Variants in F13A1 observed in about 807,000 individuals in gnomAD.
F13A1 encodes the protein FSF, A subunit.
F13A1 carries 47 observed loss-of-function variants against 80.1 expected under a neutral mutation model. The observed-to-expected ratio is 0.59, with a 90% CI of 0.46 to 0.75. F13A1 has a LOEUF of 0.75. Among genes scored for constraint, F13A1 ranks in the 30% least tolerant of loss-of-function variants. The pLI is 0.00. For missense variants in F13A1, 817 were observed against 930.4 expected, an observed-to-expected ratio of 0.88 and a Z score of 1.59; for synonymous variants, 349 against 344.9, an observed-to-expected ratio of 1.01 and a Z score of -0.13.
chr6:6,319,295 A>G (rs1334654230), intron 1 of F13A1, among the ~76,000 whole-genome samples: 1 of 152,228 alleles, frequency 6.6e-6, no homozygotes, highest in African/African-American at 2.4e-5. Flanking sequence ...GGAGCCCAAG[A>G]AGAGCCATAA....
intron 1 of F13A1, among the ~76,000 whole-genome samples, chr6:6,319,794 A>C (rs1758746076): frequency 6.6e-6 from 1 of 152,100 alleles, no homozygotes; most frequent in Non-Finnish European, 1.5e-5. Flanking sequence ...TGGTCTGAGA[A>C]GGAGACAGGA....
At chr6:6,258,597 T>C (rs115998556) in intron 4 of F13A1, among the ~76,000 whole-genome samples, 1 of 152,246 alleles carries the variant, frequency 6.6e-6, no homozygotes, top group Admixed American at 6.5e-5. Context: ...CTACATGCCA[T>C]TGAAAAGAAG....
chr6:6,249,873 C>T (rs1024385636), intron 5 of F13A1, among the ~76,000 whole-genome samples: 10 of 151,304 alleles, frequency 6.6e-5, no homozygotes, highest in Non-Finnish European at 1.2e-4. Flanking sequence ...GAAATGCAGG[C>T]GGGGAAGCCT....
chr6:6,165,679 G>C (rs1004066670), intron 13 of F13A1, among the ~76,000 whole-genome samples: 1 of 152,236 alleles, frequency 6.6e-6, no homozygotes, highest in African/African-American at 2.4e-5. Flanking sequence ...CATGTCTATA[G>C]GAAGAGCCAG....
Position 6,269,652 on chromosome 6 carries a change from G to A in F13A1, c.320-2843C>T, listed in dbSNP as rs1464779032. Among the ~76,000 whole-genome samples, 3 of 151,820 alleles carry A rather than the reference G, an allele frequency of 2.0e-5. No individual in the cohort carries two copies. The East Asian group carries it at 5.8e-4, about 29-fold the overall frequency. On this transcript the variant is annotated intron_variant, in intron 3 of 14. Transcript: ENST00000264870. ...ATCTCCATTCATCCTTTAGAGCAATGGTTAGAAAACTATAGTCTGCGGGCC... is the reference window on the plus strand; with the variant it reads ...ATCTCCATTCATCCTTTAGAGCAATAGTTAGAAAACTATAGTCTGCGGGCC...
rs145254274 is a variant in F13A1 at position 6,294,413 on chromosome 6, T to A, written c.319+10938A>T. ...CTCCAAGTTCTTCAGTTTTGGGACT[T>A]GGACTGGCTCTCATTGCTCCTCAGC... is the stretch of plus-strand genomic sequence containing the variant. On this transcript the variant is annotated intron_variant, in intron 3 of 14. Coordinates refer to ENST00000264870, the MANE Select transcript of F13A1 (RefSeq NM_000129.4). Among the ~76,000 whole-genome samples the A allele has an allele frequency of 6.5e-3, 993 of 152,250 alleles. 11 individuals carry two copies. The highest frequency in any genetic ancestry group is 0.037 in the South Asian group (179 of 4,816).
intron 6 of F13A1, among the ~76,000 whole-genome samples, chr6:6,229,754 C>G (rs1457532815): frequency 6.6e-6 from 1 of 152,184 alleles, no homozygotes; most frequent in Non-Finnish European, 1.5e-5. Context: ...CCGAGAGACC[C>G]CCCCAAATAC....
rs181704629 is a variant in F13A1 at position 6,182,919 on chromosome 6, T to C, written c.1306-778A>G. 2.6e-5 allele frequency among the ~76,000 whole-genome samples: 4 copies of C among 152,272 alleles called. No homozygotes were observed. The East Asian group carries it at 7.7e-4, about 29-fold the overall frequency. Reference sequence around the variant, plus strand: ...ATAATATTAGATGATCTAGGAGGAATTCAGGCTATTTTCTATTGGTTCAGC... The same window carrying C: ...ATAATATTAGATGATCTAGGAGGAACTCAGGCTATTTTCTATTGGTTCAGC... On this transcript the variant is annotated intron_variant, in intron 10 of 14. Coordinates refer to ENST00000264870, the MANE Select transcript of F13A1 (RefSeq NM_000129.4).
chr6:6,155,019 C>A (rs1437704728), intron 13 of F13A1, among the ~76,000 whole-genome samples: 1 of 152,202 alleles, frequency 6.6e-6, no homozygotes, highest in Non-Finnish European at 1.5e-5. Context: ...GACCTTTCCT[C>A]TACACAGACA....
At chr6:6,204,618 G>A (rs1761454777) in intron 8 of F13A1, among the ~76,000 whole-genome samples, 1 of 152,200 alleles carries the variant, frequency 6.6e-6, no homozygotes, top group African/African-American at 2.4e-5. Flanking sequence ...GGTGGGAGTT[G>A]TTGGAAAGAA....
chr6:6,288,607 A>C (rs1758170229), intron 3 of F13A1, among the ~76,000 whole-genome samples: 1 of 152,176 alleles, frequency 6.6e-6, no homozygotes. Context: ...GTGATGCTGA[A>C]ATGAACATGA....
intron 8 of F13A1, among the ~76,000 whole-genome samples, chr6:6,217,993 A>C (rs1323936467): frequency 1.3e-5 from 2 of 151,594 alleles, no homozygotes; most frequent in East Asian, 1.9e-4. Context: ...ACATGCTGAC[A>C]AAACAACAAA....
chr6:6,163,683 C>G (rs981841593), intron 13 of F13A1, among the ~76,000 whole-genome samples: 5 of 152,178 alleles, frequency 3.3e-5, no homozygotes, highest in Non-Finnish European at 4.4e-5. Flanking sequence ...TCCTTTTTTA[C>G]AGCTATGGCT....
intron 3 of F13A1, among the ~76,000 whole-genome samples, chr6:6,268,002 G>C (rs1329138436): frequency 6.6e-6 from 1 of 152,192 alleles, no homozygotes; most frequent in Non-Finnish European, 1.5e-5. Flanking sequence ...AGACTTCAAA[G>C]ACTCATATTG....
At chr6:6,197,386 T>C (rs1390762553) in intron 8 of F13A1, 60 bp from the exon 9 acceptor site, 6 of 1,528,118 alleles carry the variant, frequency 3.9e-6, no homozygotes, top group Non-Finnish European at 2.7e-6. Context: ...CTCCAAGAGA[T>C]CAAGAAGTGA....
rs756028102 is a variant in F13A1, at chr6:6,195,884, G to A, written c.1218C>T (p.Gly406=). 6.2e-7 allele frequency: 1 copy of A among 1,613,992 alleles called. No homozygotes were observed. The highest frequency in any genetic ancestry group is 1.3e-5 in the African/African-American group (1 of 75,034). The change falls in exon 10 of 15, where the codon GGC becomes GGT. Residue 406 remains glycine, a splice_region_variant and synonymous_variant. Transcript: ENST00000264870. ...VDSTPQENSD[G]MYRCGPASVQ... Reference sequence around the variant, plus strand: ...CCGAGGCGGGGCCACACCGATACATGCCTGCATTGCACAGAGGAAGGGCGG... The same window carrying A: ...CCGAGGCGGGGCCACACCGATACATACCTGCATTGCACAGAGGAAGGGCGG...
At chr6:6,158,861 T>A (rs1370486671) in intron 13 of F13A1, among the ~76,000 whole-genome samples, 1 of 152,104 alleles carries the variant, frequency 6.6e-6, no homozygotes, top group African/African-American at 2.4e-5. Flanking sequence ...GTACTTTGTT[T>A]GGGGCACTCA....
intron 2 of F13A1, among the ~76,000 whole-genome samples, chr6:6,314,060 C>T (rs930763051): frequency 2.7e-5 from 4 of 149,188 alleles, no homozygotes. Context: ...CGGCTCACTG[C>T]AACCTCCACC....
intron 4 of F13A1, among the ~76,000 whole-genome samples, chr6:6,253,810 G>A (rs1192750391): frequency 2.0e-5 from 3 of 152,130 alleles, no homozygotes; most frequent in Non-Finnish European, 4.4e-5. Context: ...AATAAAGATG[G>A]CCCTTAAAAT....
Sources: gnomAD v4.1 joint callset for allele counts (sites outside exome capture counted in the v4.1 genomes callset) on GRCh38, gnomAD v4.1.1 for gene constraint, MANE v1.5 for transcripts, NCBI Gene and HGNC (gene_info 2026-07-23, HGNC 2026-07-21) for gene names.